Variants in GRIK1 observed in about 807,000 individuals in gnomAD.
GRIK1 encodes glutamate receptor ionotropic, kainate 1.
Under a neutral mutation model 105.7 loss-of-function variants are expected in GRIK1, and 69 were observed. The observed-to-expected ratio is 0.65, with a 90% CI of 0.54 to 0.80. The LOEUF (loss-of-function observed/expected upper bound fraction) is 0.80. Ranked by LOEUF, GRIK1 falls within the 30% of genes least tolerant of loss-of-function variation. GRIK1 has a pLI of 0.00. For synonymous variants in GRIK1, 438 were observed against 431.3 expected (o/e 1.02, Z -0.19); for missense variants, 1,109 against 1,167.3 (o/e 0.95, Z 0.73).
At chr21:29,744,958 A>G (rs564732166) in intron 1 of GRIK1, among the ~76,000 whole-genome samples, 89 of 152,292 alleles carry the variant, frequency 5.8e-4, no homozygotes, top group African/African-American at 1.9e-3. Flanking sequence ...GTGGCCTCCA[A>G]TGATCCCCAC....
At chr21:29,691,572 G>A (rs946834443) in intron 2 of GRIK1, among the ~76,000 whole-genome samples, 3 of 152,098 alleles carry the variant, frequency 2.0e-5, no homozygotes, top group South Asian at 2.1e-4. Context: ...GTAAAATAGT[G>A]CCTATTAATC....
chr21:29,796,606 G>T (rs1156642376), intron 1 of GRIK1, among the ~76,000 whole-genome samples: 1 of 151,742 alleles, frequency 6.6e-6, no homozygotes, highest in African/African-American at 2.4e-5. Flanking sequence ...TTTTTTCTTG[G>T]TTTCCATTAT....
At chr21:29,833,908 T>C (rs1259879327) in intron 1 of GRIK1, among the ~76,000 whole-genome samples, 1 of 152,204 alleles carries the variant, frequency 6.6e-6, no homozygotes, top group Non-Finnish European at 1.5e-5. Context: ...AACTTCTCCA[T>C]GGCATTTATG....
chr21:29,629,217 T>TGTGGGTGTGG (rs1555853095), intron 7 of GRIK1, among the ~76,000 whole-genome samples: 1 of 148,836 alleles, frequency 6.7e-6, no homozygotes, highest in African/African-American at 2.5e-5. Context: ...TGTGTGTGTG[T>TGTGGGTGTGG]GTGTGTGTGT....
intron 1 of GRIK1, among the ~76,000 whole-genome samples, chr21:29,730,372 T>A (rs1056737457): frequency 6.6e-6 from 1 of 152,168 alleles, no homozygotes; most frequent in African/African-American, 2.4e-5. Context: ...TTAACACCAA[T>A]CAAAATATCT....
intron 1 of GRIK1, 40 bp downstream of exon 1, chr21:29,939,343 C>T: frequency 3.3e-6 from 4 of 1,213,668 alleles, no homozygotes; most frequent in Non-Finnish European, 4.8e-6. Context: ...GTGCGGCGAC[C>T]GACCACGTCT....
intron 1 of GRIK1, among the ~76,000 whole-genome samples, chr21:29,716,479 G>A (rs2064180214): frequency 2.6e-5 from 4 of 152,138 alleles, no homozygotes; most frequent in Admixed American, 2.0e-4. Context: ...GAGACTTGTT[G>A]CATGGCTTTG....
intron 1 of GRIK1, among the ~76,000 whole-genome samples, chr21:29,766,057 G>A (rs922474341): frequency 1.3e-5 from 2 of 151,968 alleles, no homozygotes; most frequent in African/African-American, 2.4e-5. Flanking sequence ...TACCGTGTTG[G>A]CCAGGTTGGT....
intron 1 of GRIK1, among the ~76,000 whole-genome samples, chr21:29,733,701 GA>G (rs2064698234): frequency 6.6e-6 from 1 of 151,902 alleles, no homozygotes; most frequent in South Asian, 2.1e-4. Context: ...TCATTTTGAG[GA>G]AAAGGATTGT....
At chr21:29,683,695 T>G (rs1369902451) in intron 3 of GRIK1, among the ~76,000 whole-genome samples, 1 of 152,160 alleles carries the variant, frequency 6.6e-6, no homozygotes, top group Non-Finnish European at 1.5e-5. Flanking sequence ...GACAGGATCA[T>G]TCATACTCCA....
At chr21:29,594,706 G>T (rs561529996) in intron 9 of GRIK1, among the ~76,000 whole-genome samples, 1 of 152,288 alleles carries the variant, frequency 6.6e-6, no homozygotes, top group African/African-American at 2.4e-5. Context: ...AGAGCCACTA[G>T]TATCTATCTT....
At chr21:29,729,335 G>A (rs1230826455) in intron 1 of GRIK1, among the ~76,000 whole-genome samples, 1 of 152,100 alleles carries the variant, frequency 6.6e-6, no homozygotes, top group Non-Finnish European at 1.5e-5. Context: ...GTAGGAGGTG[G>A]AGAATCTTGG....
intron 3 of GRIK1, among the ~76,000 whole-genome samples, chr21:29,684,153 G>A (rs537761659): frequency 6.6e-6 from 1 of 152,268 alleles, no homozygotes; most frequent in South Asian, 2.1e-4. Flanking sequence ...GAAACAGACT[G>A]TGGATTCCAT....
intron 1 of GRIK1, among the ~76,000 whole-genome samples, chr21:29,863,354 CT>C (rs1292576340): frequency 6.6e-6 from 1 of 152,122 alleles, no homozygotes; most frequent in Non-Finnish European, 1.5e-5. Context: ...CCCAGAATTG[CT>C]TTGATTTTTA....
At chr21:29,601,172 G>A in intron 7 of GRIK1, 6 of 493,306 alleles carry the variant, frequency 1.2e-5, no homozygotes. Context: ...TTCATGTAGA[G>A]CCTGAAAAGA....
rs181346551 is a variant in GRIK1, at chr21:29,863,856, A to G, written c.118+75527T>C. Among the ~76,000 whole-genome samples the G allele has an allele frequency of 3.5e-3, 534 of 152,268 alleles. 4 individuals carry two copies. The highest frequency in any genetic ancestry group is 0.012 in the African/African-American group (509 of 41,566). ...TAGCTATCACACATTCTTCCCCTTC[A>G]GTCACCTACAGAATTACATACTTCT... On this transcript the variant is annotated intron_variant, in intron 1 of 17. Coordinates refer to ENST00000327783, the MANE Select transcript of GRIK1 (RefSeq NM_001330994.2).
At chr21:29,854,449 A>G (rs1475669390) in intron 1 of GRIK1, among the ~76,000 whole-genome samples, 1 of 152,090 alleles carries the variant, frequency 6.6e-6, no homozygotes, top group Non-Finnish European at 1.5e-5. Context: ...CACTTGGCAG[A>G]TGAGCTTTCC....
intron 7 of GRIK1, among the ~76,000 whole-genome samples, chr21:29,616,897 T>C (rs1481703050): frequency 6.6e-6 from 1 of 152,246 alleles, no homozygotes; most frequent in Admixed American, 6.5e-5. Context: ...TAAAAGTCAG[T>C]TGTTTCAATA....
chr21:29,908,544 C>G (rs1021690626), intron 1 of GRIK1, among the ~76,000 whole-genome samples: 2 of 152,136 alleles, frequency 1.3e-5, no homozygotes, highest in African/African-American at 4.8e-5. Flanking sequence ...AAAAATTAAC[C>G]AGGCATATTC....
Sources: gnomAD v4.1 joint callset for allele counts (sites outside exome capture counted in the v4.1 genomes callset) on GRCh38, gnomAD v4.1.1 for gene constraint, MANE v1.5 for transcripts, NCBI Gene and HGNC (gene_info 2026-07-23, HGNC 2026-07-21) for gene names.